Variants in IL5RA observed in about 807,000 individuals in gnomAD.
IL5RA encodes the protein interleukin-5 receptor subunit alpha.
In IL5RA, 49 loss-of-function variants were observed where a neutral mutation model predicts 50.0. The observed-to-expected ratio is 0.98, with a 90% CI of 0.78 to 1.24. IL5RA has a LOEUF of 1.24. IL5RA is among the 50% of genes most tolerant of loss of function. The pLI is 0.00. For synonymous variants in IL5RA, 202 were observed against 174.0 expected (o/e 1.16, Z -1.26); for missense variants, 600 against 500.4 (o/e 1.20, Z -1.90).
intron 9 of IL5RA, among the ~76,000 whole-genome samples, chr3:3,088,307 T>C (rs1702955225): frequency 6.6e-6 from 1 of 152,294 alleles, no homozygotes; most frequent in South Asian, 2.1e-4. Flanking sequence ...GCAGCACTTA[T>C]ATTTTACAGG....
At position 3,104,933 on chromosome 3, in the gene IL5RA, G is replaced by A; in HGVS notation, c.52C>T (p.Leu18=). Reference sequence around the variant, plus strand: ...TCATCAGGAAGTAAGTCAGCTTGCAGTATCTCAGTGGCCCCCAAAAGGATG... The same window carrying A: ...TCATCAGGAAGTAAGTCAGCTTGCAATATCTCAGTGGCCCCCAAAAGGATG... ...LLILLGATEI[L]QADLLPDEKI... The change falls in exon 3 of 12, where the codon CTG becomes TTG. Residue 18 remains leucine (L), a synonymous_variant. Transcript: ENST00000446632. The A allele has an allele frequency of 1.9e-6, 3 of 1,612,666 alleles. No individual in the cohort carries two copies. The highest frequency in any genetic ancestry group is 2.2e-5 in the South Asian group (2 of 91,010).
At position 3,101,814 on chromosome 3, in the gene IL5RA, G is replaced by C; in HGVS notation, c.245C>G (p.Thr82Ser). Residue 82 changes from threonine (T) to serine (S), a missense_variant, in exon 5 of 12, where the codon ACT becomes AGT. Thr to Ser is a moderately conservative substitution (Grantham distance 58). Coordinates refer to ENST00000446632, the MANE Select transcript of IL5RA (RefSeq NM_175726.4). ...GAGGATGGTTACACATTTGCTTTCA[G>C]TGATTCTGGTTTCATACTAAAAATA... ...PKEDDYETRITESKCVTILHK... is the reference protein window; with the variant it reads ...PKEDDYETRISESKCVTILHK... 1.9e-6 allele frequency: 3 copies of C among 1,613,762 alleles called. No homozygotes were observed. The highest frequency in any genetic ancestry group is 1.7e-4 in the Middle Eastern group (1 of 5,994).
chr3:3,107,907 G>A (rs932229517), intron 2 of IL5RA, among the ~76,000 whole-genome samples: 3 of 152,184 alleles, frequency 2.0e-5, no homozygotes, highest in Non-Finnish European at 2.9e-5. Context: ...CTGAAGTTCA[G>A]ACTTACAAAT....
chr3:3,096,861 A>G (rs9839041), intron 7 of IL5RA, among the ~76,000 whole-genome samples: 4,856 of 152,306 alleles, frequency 0.032, 178 homozygotes, highest in African/African-American at 0.09. Context: ...GTATTTATTA[A>G]ACCTTTATGC....
intron 9 of IL5RA, chr3:3,090,295 A>G (rs753892727): frequency 2.3e-5 from 32 of 1,404,200 alleles, no homozygotes; most frequent in Admixed American, 1.6e-4. Context: ...GGGGATACAC[A>G]ATCAATCCTT....
At chr3:3,098,441 T>C in intron 5 of IL5RA, 151 bp from the exon 6 acceptor site, 1 of 687,508 alleles carries the variant, frequency 1.5e-6, no homozygotes, top group South Asian at 1.9e-5. Context: ...AGAGCCTCAC[T>C]CTGTCACCCA....
At chr3:3,076,470 A>C in intron 10 of IL5RA, 61 bp downstream of exon 10, 1 of 1,050,440 alleles carries the variant, frequency 9.5e-7, no homozygotes, top group Non-Finnish European at 1.5e-6. Context: ...ATGCATGGTA[A>C]GCCTGTAAAA....
At chr3:3,098,511 G>A (rs577185141) in intron 5 of IL5RA, among the ~76,000 whole-genome samples, 65 of 152,032 alleles carry the variant, frequency 4.3e-4, no homozygotes, top group Non-Finnish European at 7.9e-4. Flanking sequence ...GGCTTGGAGC[G>A]ATTCTCGTGC....
chr3:3,073,497 G>A (rs576363068), intron 11 of IL5RA, among the ~76,000 whole-genome samples: 1 of 152,288 alleles, frequency 6.6e-6, no homozygotes, highest in South Asian at 2.1e-4. Context: ...TTGAAGAGGT[G>A]AGACAGAAAC....
rs967812203 is a variant in IL5RA at position 3,066,389 on chromosome 3, C to G, written c.*3836G>C. ...TATTTATATTCACATCTATTACCTA[C>G]AAAACAGGAGATAAGCATGATTGTC... On this transcript the variant is annotated 3_prime_UTR_variant, in exon 12 of 12. Coordinates refer to ENST00000446632, the MANE Select transcript of IL5RA (RefSeq NM_175726.4). 6.6e-6 allele frequency: 1 copy of G among 152,050 alleles called. No individual in the cohort carries two copies. The highest frequency in any genetic ancestry group is 1.5e-5 in the Non-Finnish European group (1 of 68,002). The allele number at this position is 152,050 out of a possible 1,614,324, so 9.4% of individuals were successfully genotyped here.
rs373023205 is a variant in IL5RA, at chr3:3,068,408, CA to C, written c.*1816del. The C allele has an allele frequency of 0.027, 4,029 of 148,754 alleles. 183 individuals are homozygous for C. The highest frequency in any genetic ancestry group is 0.094 in the African/African-American group (3,814 of 40,388). The allele number at this position is 148,754 out of a possible 1,614,324, so 9.2% of individuals were successfully genotyped here. On this transcript the variant is annotated 3_prime_UTR_variant, in exon 12 of 12. Transcript: ENST00000446632. ...ACAGCATGGCAAAACCCCAGCTTTA[CA>C]AAAAAAAATACAAAAAAGAGCTGGG...
At chr3:3,090,851 G>A (rs17879874) in intron 9 of IL5RA, among the ~76,000 whole-genome samples, 3,357 of 152,168 alleles carry the variant, frequency 0.022, 122 homozygotes, top group African/African-American at 0.077. Context: ...GGGATTACAG[G>A]AGTGAGCCAC....
In IL5RA at chr3:3,070,575, C is replaced by CTTT. The variant is rs71058670; in HGVS notation, c.1177-267_1177-265dup. On this transcript the variant is annotated intron_variant, in intron 11 of 11. Transcript: ENST00000446632. ...TACTTGAAGTCATATGGATACACAT[C>CTTT]TTTTTTTTTTTTTTTTTTTTTTTTT... is the stretch of plus-strand genomic sequence containing the variant. Among the ~76,000 whole-genome samples, 99 of 84,888 alleles carry CTTT rather than the reference C, an allele frequency of 1.2e-3. 2 individuals are homozygous for CTTT. Among genetic ancestry groups the CTTT allele is most frequent in the Non-Finnish European group, 1.5e-3 (70 of 47,454 alleles). 55.7% of individuals were successfully genotyped at this position (84,888 alleles called of 152,430 possible).
chr3:3,101,056 A>G (rs1246214045), intron 5 of IL5RA, among the ~76,000 whole-genome samples: 1 of 151,386 alleles, frequency 6.6e-6, no homozygotes, highest in Non-Finnish European at 1.5e-5. Context: ...GCGCATGCCT[A>G]TAATCCCAGC....
At chr3:3,086,462 G>C (rs914260836) in intron 9 of IL5RA, among the ~76,000 whole-genome samples, 2 of 152,092 alleles carry the variant, frequency 1.3e-5, no homozygotes, top group African/African-American at 4.8e-5. Flanking sequence ...GTAAAAATTG[G>C]GAAGTTAGCT....
chr3:3,098,246 T>C lies in IL5RA; in HGVS notation c.412A>G (p.Thr138Ala). 6.2e-7 allele frequency: 1 copy of C among 1,614,126 alleles called. No homozygotes were observed. The highest frequency in any genetic ancestry group is 8.5e-7 in the Non-Finnish European group (1 of 1,179,946). Reference protein sequence around the residue: ...SIVNLTCTTNTTEDNYSRLRS... With the variant: ...SIVNLTCTTNATEDNYSRLRS... ...AAACGTGAATAATTGTCTTCTGTAG[T>C]GTTTGTGGTGCAAGTTAAATTCACA... is the stretch of plus-strand genomic sequence containing the variant. Residue 138 changes from threonine (T) to alanine (A), a missense_variant, in exon 6 of 12, where the codon ACT (threonine) becomes GCT (alanine). Transcript: ENST00000446632.
intron 9 of IL5RA, among the ~76,000 whole-genome samples, chr3:3,081,798 C>T (rs532917767): frequency 3.0e-4 from 45 of 152,260 alleles, no homozygotes; most frequent in Admixed American, 1.9e-3. Flanking sequence ...CAAGGTACTA[C>T]GTGAGAAGCA....
At chr3:3,091,981 G>T (rs2125972153) in intron 9 of IL5RA, 2 of 1,215,808 alleles carry the variant, frequency 1.6e-6, no homozygotes, top group Non-Finnish European at 2.0e-6. Context: ...AACAAAACTT[G>T]GAAAAAAAAC....
rs1195641638 is a variant in IL5RA at position 3,069,240 on chromosome 3, G to C, written c.*985C>G. 2 of 152,260 alleles carry C rather than the reference G, an allele frequency of 1.3e-5. No individual in the cohort carries two copies. Among genetic ancestry groups the C allele is most frequent in the Admixed American group, 6.5e-5 (1 of 15,292 alleles). 9.4% of individuals were successfully genotyped at this position (152,260 alleles called of 1,614,324 possible). On this transcript the variant is annotated 3_prime_UTR_variant, in exon 12 of 12. Coordinates refer to ENST00000446632, the MANE Select transcript of IL5RA (RefSeq NM_175726.4). ...ACCCACCACAAAGGCCTCCAATCTG[G>C]ATGCAGACTCATATATGAAGATGTT...
Sources: gnomAD v4.1 joint callset for allele counts (sites outside exome capture counted in the v4.1 genomes callset) on GRCh38, gnomAD v4.1.1 for gene constraint, MANE v1.5 for transcripts, NCBI Gene and HGNC (gene_info 2026-07-23, HGNC 2026-07-21) for gene names.